Variants in BEND6 observed in about 807,000 individuals in gnomAD.
BEND6 encodes BEN domain-containing protein 6.
A neutral mutation model predicts 31.8 loss-of-function variants in BEND6; 24 were observed. That is an observed-to-expected ratio of 0.75 (90% confidence interval 0.55 to 1.06). The LOEUF is 1.06. BEND6 is among the 50% of genes least tolerant of loss of function. The pLI is 0.00. For missense variants in BEND6, 294 were observed against 327.4 expected (o/e 0.90, Z 0.79); for synonymous variants, 109 against 114.6 (o/e 0.95, Z 0.31).
chr6:56,994,181 C>T (rs954679146), intron 3 of BEND6, among the ~76,000 whole-genome samples: 23 of 151,422 alleles, frequency 1.5e-4, no homozygotes, highest in African/African-American at 5.3e-4. Flanking sequence ...TAATCTTGGC[C>T]GGGCGCAGTG....
At chr6:56,975,159 A>G (rs1346742487) in intron 1 of BEND6, among the ~76,000 whole-genome samples, 3 of 152,076 alleles carry the variant, frequency 2.0e-5, no homozygotes, top group Admixed American at 6.6e-5. Flanking sequence ...AAGGCAAAGC[A>G]CCTTAGGTAA....
chr6:56,996,555 C>T (rs1399208685), intron 3 of BEND6, among the ~76,000 whole-genome samples: 1 of 152,166 alleles, frequency 6.6e-6, no homozygotes, highest in East Asian at 1.9e-4. Flanking sequence ...TGTCTAACTG[C>T]ATGCTTAACA....
chr6:57,009,555 C>G (rs1033960760), intron 3 of BEND6: 1 of 152,116 alleles, frequency 6.6e-6, no homozygotes, highest in African/African-American at 2.4e-5. Flanking sequence ...AACGATGACT[C>G]CTTGGATAAA....
chr6:56,966,653 C>A (rs1440664814), intron 1 of BEND6, among the ~76,000 whole-genome samples: 1 of 152,170 alleles, frequency 6.6e-6, no homozygotes, highest in African/African-American at 2.4e-5. Flanking sequence ...CTTTTCCCAG[C>A]CTCTTATTTC....
At chr6:57,024,762 G>A (rs1580035) in intron 6 of BEND6, among the ~76,000 whole-genome samples, 151,822 of 152,292 alleles carry the variant, frequency 1, 75,680 homozygotes, top group Middle Eastern at 1. Context: ...CAAGTTTTGG[G>A]AAGTTTTCTG....
intron 1 of BEND6, among the ~76,000 whole-genome samples, chr6:56,969,997 C>CT (rs1562536742): frequency 6.6e-6 from 1 of 152,014 alleles, no homozygotes; most frequent in Non-Finnish European, 1.5e-5. Flanking sequence ...ATGACCAGCA[C>CT]TTTTTTTAAA....
intron 3 of BEND6, 102 bp from the exon 4 acceptor site, chr6:57,015,031 T>G: frequency 1.2e-6 from 1 of 843,986 alleles, no homozygotes; most frequent in South Asian, 2.1e-5. Context: ...ATGTTAAGTT[T>G]GTTCTGCATA....
intron 3 of BEND6, among the ~76,000 whole-genome samples, chr6:56,998,711 ATT>A (rs34833735): frequency 6.7e-6 from 1 of 148,482 alleles, no homozygotes; most frequent in Non-Finnish European, 1.5e-5. Flanking sequence ...CTGGGAAAGG[ATT>A]TTTTTTTAAT....
intron 1 of BEND6, among the ~76,000 whole-genome samples, chr6:56,969,029 G>C (rs1050728574): frequency 6.6e-6 from 1 of 151,676 alleles, no homozygotes; most frequent in Non-Finnish European, 1.5e-5. Context: ...AGCAGAGATG[G>C]CGCCACTGCA....
chr6:56,969,297 G>A (rs116316581), intron 1 of BEND6, among the ~76,000 whole-genome samples: 1 of 152,048 alleles, frequency 6.6e-6, no homozygotes, highest in Non-Finnish European at 1.5e-5. Flanking sequence ...TGTCTTCCTC[G>A]AGAACATATA....
intron 2 of BEND6, among the ~76,000 whole-genome samples, chr6:56,982,597 T>C (rs897084638): frequency 7.2e-5 from 11 of 152,194 alleles, no homozygotes; most frequent in African/African-American, 2.7e-4. Flanking sequence ...GTAATACATA[T>C]AATTGCATAT....
At chr6:56,959,278 C>A (rs529947260) in intron 1 of BEND6, among the ~76,000 whole-genome samples, 1 of 152,112 alleles carries the variant, frequency 6.6e-6, no homozygotes, top group Non-Finnish European at 1.5e-5. Flanking sequence ...TCTAATCTGG[C>A]TACTAGTACT....
chr6:56,956,156 G>T (rs549351286), intron 1 of BEND6, among the ~76,000 whole-genome samples: 44 of 152,292 alleles, frequency 2.9e-4, no homozygotes, highest in Admixed American at 1.8e-3. Context: ...TCATTTACTC[G>T]CATAAGAAAA....
intron 2 of BEND6, 101 bp from the exon 3 acceptor site, chr6:56,992,277 A>G: frequency 7.6e-7 from 1 of 1,319,432 alleles, no homozygotes; most frequent in Non-Finnish European, 1.0e-6. Flanking sequence ...TGCCTGTGAG[A>G]ACAAGAAATT....
At chr6:56,974,485 T>G (rs1465395038) in intron 1 of BEND6, among the ~76,000 whole-genome samples, 3 of 152,244 alleles carry the variant, frequency 2.0e-5, no homozygotes, top group Non-Finnish European at 4.4e-5. Flanking sequence ...GTATCAGTGT[T>G]CATAAACAAA....
chr6:57,015,059 T>A, intron 3 of BEND6, 74 bp from the exon 4 acceptor site: 1 of 1,314,346 alleles, frequency 7.6e-7, no homozygotes, highest in Non-Finnish European at 1.1e-6. Flanking sequence ...GCACATACAC[T>A]CAACAAAAAA....
intron 6 of BEND6, among the ~76,000 whole-genome samples, chr6:57,025,529 T>A (rs1218732634): frequency 6.6e-6 from 1 of 152,178 alleles, no homozygotes; most frequent in East Asian, 1.9e-4. Flanking sequence ...ATATCCTGGT[T>A]ATGTGAAAAG....
At chr6:57,013,218 C>T (rs1286258728) in intron 3 of BEND6, among the ~76,000 whole-genome samples, 4 of 152,150 alleles carry the variant, frequency 2.6e-5, no homozygotes, top group African/African-American at 9.7e-5. Context: ...TTCCCAAAAC[C>T]ACCCTCATAT....
At chr6:56,995,337 A>G (rs1826668512) in intron 3 of BEND6, among the ~76,000 whole-genome samples, 1 of 151,922 alleles carries the variant, frequency 6.6e-6, no homozygotes, top group African/African-American at 2.4e-5. Flanking sequence ...CACTCTATTC[A>G]GTTTCCTCCC....
Sources: gnomAD v4.1 joint callset for allele counts (sites outside exome capture counted in the v4.1 genomes callset) on GRCh38, gnomAD v4.1.1 for gene constraint, MANE v1.5 for transcripts, NCBI Gene and HGNC (gene_info 2026-07-23, HGNC 2026-07-21) for gene names.